RBKS: variants seen among roughly 807,000 people sequenced by gnomAD.
RBKS encodes ribokinase.
A neutral mutation model predicts 33.9 loss-of-function variants in RBKS; 33 were observed. The observed-to-expected ratio is 0.97, with a 90% CI of 0.74 to 1.30. The LOEUF (loss-of-function observed/expected upper bound fraction) is 1.30, where lower values mean the gene tolerates loss of function less well. Ranked by LOEUF, RBKS falls within the 50% of genes most tolerant of loss-of-function variation. The probability of loss-of-function intolerance (pLI) is 0.00; values close to 1 mark genes in which losing one functional copy is unlikely to be tolerated. For synonymous variants in RBKS, 125 were observed against 143.0 expected, an observed-to-expected ratio of 0.87 and a Z score of 0.90; for missense variants, 361 against 392.6, an observed-to-expected ratio of 0.92 and a Z score of 0.68.
chr2:27,853,107 C>T (rs1431638297), intron 2 of RBKS, among the ~76,000 whole-genome samples: 3 of 151,992 alleles, frequency 2.0e-5, no homozygotes, highest in Admixed American at 6.6e-5. Flanking sequence ...TGGCTTATGC[C>T]GTAATCCTAG....
intron 7 of RBKS, among the ~76,000 whole-genome samples, chr2:27,791,808 CA>C (rs1677532766): frequency 6.6e-6 from 1 of 151,900 alleles, no homozygotes; most frequent in South Asian, 2.1e-4. Flanking sequence ...GAAAGCAGGC[CA>C]GGGGCTGGGG....
chr2:27,811,862 G>A (rs1419038558), intron 7 of RBKS, among the ~76,000 whole-genome samples: 1 of 152,066 alleles, frequency 6.6e-6, no homozygotes, highest in Admixed American at 6.6e-5. Context: ...TGGGTTTCAA[G>A]CAAAGTGGAG....
At position 27,795,514 on chromosome 2, in the gene RBKS, A is replaced by G. The variant is rs1677650426; in HGVS notation, c.796-13726T>C. On this transcript the variant is annotated intron_variant, in intron 7 of 7. Transcript: ENST00000302188. The surrounding 1 kb of genome is among the most constrained non-coding windows in gnomAD (Gnocchi z 4.1). ...CTTTTACTGTTTGCTCCTCATCAAGAGGCAGCAAAGCCGGGTATTTATATA... is the reference window on the plus strand; with the variant it reads ...CTTTTACTGTTTGCTCCTCATCAAGGGGCAGCAAAGCCGGGTATTTATATA... 1.3e-5 allele frequency among the ~76,000 whole-genome samples: 2 copies of G among 152,178 alleles called. No homozygotes were observed. Among genetic ancestry groups the G allele is most frequent in the Non-Finnish European group, 2.9e-5 (2 of 68,032 alleles).
chr2:27,793,767 A>T (rs1677583230), intron 7 of RBKS, among the ~76,000 whole-genome samples: 1 of 152,176 alleles, frequency 6.6e-6, no homozygotes, highest in Non-Finnish European at 1.5e-5. Flanking sequence ...TGATAATTAT[A>T]TTGTATTTTT....
chr2:27,849,334 G>T (rs565321502), intron 2 of RBKS, among the ~76,000 whole-genome samples: 1 of 151,948 alleles, frequency 6.6e-6, no homozygotes, highest in Admixed American at 6.5e-5. Context: ...AGGTCAAGGC[G>T]GATGGATCAC....
chr2:27,832,543 C>A (rs902811218), intron 6 of RBKS, 143 bp downstream of exon 6: 25 of 647,932 alleles, frequency 3.9e-5, no homozygotes, highest in Non-Finnish European at 6.6e-5. Flanking sequence ...TTTCTCCACA[C>A]CCCGGTAAAC....
intron 1 of RBKS, among the ~76,000 whole-genome samples, chr2:27,881,020 C>A (rs562377411): frequency 6.6e-6 from 1 of 151,836 alleles, no homozygotes; most frequent in African/African-American, 2.4e-5. Context: ...TCGAGACTAG[C>A]CTGAGCAACA....
In RBKS at chr2:27,794,153, C is replaced by T. The variant is rs1245225118; in HGVS notation, c.796-12365G>A. 3.3e-5 allele frequency among the ~76,000 whole-genome samples: 5 copies of T among 151,520 alleles called. No individual in the cohort carries two copies. In the South Asian group the frequency reaches 8.4e-4, roughly 25 times the overall value. The stretch of plus-strand genomic sequence containing the variant: ...CATCTCTACCAAATACAAAATTAGC[C>T]GGGCGTGGTGGTGCATGCCTGTAAT... On this transcript the variant is annotated intron_variant, in intron 7 of 7. Coordinates refer to ENST00000302188, the MANE Select transcript of RBKS (RefSeq NM_022128.3).
chr2:27,865,048 C>T (rs906988495), intron 1 of RBKS, among the ~76,000 whole-genome samples: 7 of 152,176 alleles, frequency 4.6e-5, no homozygotes, highest in African/African-American at 1.4e-4. Flanking sequence ...AGGCCGGGCG[C>T]GACGGCTCAC....
intron 3 of RBKS, among the ~76,000 whole-genome samples, chr2:27,847,388 T>C (rs1385409221): frequency 6.6e-6 from 1 of 152,236 alleles, no homozygotes; most frequent in East Asian, 1.9e-4. Flanking sequence ...TGTATACATA[T>C]GCATTTTTCT....
At chr2:27,853,981 C>G (rs1360581886) in intron 2 of RBKS, among the ~76,000 whole-genome samples, 1 of 152,146 alleles carries the variant, frequency 6.6e-6, no homozygotes, top group Non-Finnish European at 1.5e-5. Flanking sequence ...ATGAAAATCT[C>G]AATGCATGAT....
chr2:27,864,210 A>C (rs1300686953), intron 1 of RBKS, among the ~76,000 whole-genome samples: 1 of 151,836 alleles, frequency 6.6e-6, no homozygotes, highest in Admixed American at 6.6e-5. Context: ...TTTTGTAGAA[A>C]TGGGGTCTCG....
intron 2 of RBKS, among the ~76,000 whole-genome samples, chr2:27,857,436 A>C (rs1182601251): frequency 6.6e-6 from 1 of 152,236 alleles, no homozygotes; most frequent in African/African-American, 2.4e-5. Flanking sequence ...AAAAATAGGA[A>C]TACTGTATGT....
chr2:27,800,874 G>T (rs1573037230), intron 7 of RBKS, among the ~76,000 whole-genome samples: 2 of 152,308 alleles, frequency 1.3e-5, no homozygotes, highest in East Asian at 3.9e-4. Flanking sequence ...TCAACATTGT[G>T]TGCTGGGGTC....
At chr2:27,858,099 G>A (rs1294290536) in intron 2 of RBKS, among the ~76,000 whole-genome samples, 1 of 152,138 alleles carries the variant, frequency 6.6e-6, no homozygotes, top group East Asian at 1.9e-4. Flanking sequence ...AGTGAAAGAA[G>A]CCAGGTACAA....
At chr2:27,863,016 G>A (rs1664020039) in intron 1 of RBKS, among the ~76,000 whole-genome samples, 1 of 150,826 alleles carries the variant, frequency 6.6e-6, no homozygotes, top group African/African-American at 2.4e-5. Context: ...AAAAAAAAGA[G>A]GTTTAACAGA....
chr2:27,834,398 T>G (rs558365195), intron 5 of RBKS, among the ~76,000 whole-genome samples: 12 of 152,358 alleles, frequency 7.9e-5, no homozygotes, highest in African/African-American at 2.9e-4. Flanking sequence ...GCAGCTTAAA[T>G]TAGAAAATGG....
At chr2:27,832,870 C>A in intron 5 of RBKS, 93 bp from the exon 6 acceptor site, 1 of 828,726 alleles carries the variant, frequency 1.2e-6, no homozygotes, top group South Asian at 1.4e-5. Context: ...TCCCCGAGTT[C>A]GTTTTTGTCT....
At chr2:27,887,210 C>T (rs1044447563) in intron 1 of RBKS, among the ~76,000 whole-genome samples, 2 of 152,154 alleles carry the variant, frequency 1.3e-5, no homozygotes, top group Admixed American at 6.5e-5. Context: ...AAGACCTGAA[C>T]AACCATTGCT....
Sources: gnomAD v4.1 joint callset for allele counts (sites outside exome capture counted in the v4.1 genomes callset) on GRCh38, gnomAD v4.1.1 for gene constraint, Gnocchi (gnomAD v3.1) non-coding constraint, MANE v1.5 for transcripts, NCBI Gene and HGNC (gene_info 2026-07-23, HGNC 2026-07-21) for gene names.